HECTD4: variants seen among roughly 807,000 people sequenced by gnomAD.
The protein encoded by HECTD4 is probable E3 ubiquitin-protein ligase HECTD4.
Under a neutral mutation model 471.5 loss-of-function variants are expected in HECTD4, and 114 were observed. The observed-to-expected ratio is 0.24, with a 90% CI of 0.21 to 0.28. HECTD4 has a LOEUF of 0.28. Among genes scored for constraint, HECTD4 ranks in the 10% least tolerant of loss-of-function variants. HECTD4 has a pLI of 1.00. For missense variants in HECTD4, 3,866 were observed against 5,651.5 expected, an observed-to-expected ratio of 0.68 and a Z score of 10.13; for synonymous variants, 2,012 against 2,256.0, an observed-to-expected ratio of 0.89 and a Z score of 3.07.
chr12:112,184,656 T>G lies in HECTD4; in HGVS notation c.10310A>C (p.Gln3437Pro). ...TTTTGGCTTCTTGGTGTCTTCTTCCTGCAGCGGGATGTAGATCTCGTCTTT... is the reference window on the plus strand; with the variant it reads ...TTTTGGCTTCTTGGTGTCTTCTTCCGGCAGCGGGATGTAGATCTCGTCTTT... ...VFKDEIYIPL[Q>P]EEDTKKPKDK... The change falls in exon 61 of 76, where the codon CAG becomes CCG. Residue 3437 changes from glutamine to proline, a missense_variant. Physicochemically the swap from Gln to Pro is moderately conservative, Grantham distance 76 (BLOSUM62 -1). This residue lies in a region of HECTD4 where 71 missense variants were observed against 144.5 expected (regional missense o/e 0.49). Coordinates refer to ENST00000682272, the MANE Select transcript of HECTD4 (RefSeq NM_001388303.1). This position sits in a 1 kb window ranked among gnomAD's most constrained non-coding sequence, Gnocchi z 9.1. 6.2e-7 allele frequency: 1 copy of G among 1,613,846 alleles called. No individual in the cohort carries two copies. The highest frequency in any genetic ancestry group is 1.3e-5 in the African/African-American group (1 of 75,050).
In HECTD4 at chr12:112,194,023, C is replaced by T. The variant is rs904817789; in HGVS notation, c.8750-349G>A. Among the ~76,000 whole-genome samples, 6 of 152,334 alleles carry T rather than the reference C, an allele frequency of 3.9e-5. No individual in the cohort carries two copies. The South Asian group carries it at 8.3e-4, about 21-fold the overall frequency. On this transcript the variant is annotated intron_variant, in intron 56 of 75. Coordinates refer to ENST00000682272, the MANE Select transcript of HECTD4 (RefSeq NM_001388303.1). This position sits in a 1 kb window ranked among gnomAD's most constrained non-coding sequence, Gnocchi z 4.6. ...CTGTCTGACTACTCTGGCCCACCCC[C>T]GCAGGGTACCTTAGGGCACAGCCTG...
chr12:112,316,836 A>G (rs890405497), intron 2 of HECTD4, among the ~76,000 whole-genome samples: 3 of 152,038 alleles, frequency 2.0e-5, no homozygotes, highest in Admixed American at 6.6e-5. Context: ...TATTGGCAAT[A>G]AAATGTAGGA....
At chr12:112,167,583 G>A (rs1453680300) in intron 71 of HECTD4, 45 bp from the exon 72 acceptor site, 2 of 1,423,038 alleles carry the variant, frequency 1.4e-6, no homozygotes, top group Non-Finnish European at 1.9e-6. Context: ...GTGGGCCTCT[G>A]TGCCCGCCAG....
intron 1 of HECTD4, among the ~76,000 whole-genome samples, chr12:112,336,263 C>T (rs1052009984): frequency 2.0e-5 from 3 of 152,108 alleles, no homozygotes; most frequent in Non-Finnish European, 4.4e-5. Context: ...GTGGCTCATG[C>T]CTGTAATCTC....
chr12:112,271,415 A>G lies in HECTD4; in HGVS notation c.1943-956T>C, dbSNP rs77146094. Among the ~76,000 whole-genome samples the G allele has an allele frequency of 6.1e-3, 931 of 152,328 alleles. 11 individuals carry two copies. Among genetic ancestry groups the G allele is most frequent in the African/African-American group, 0.021 (865 of 41,554 alleles). On this transcript the variant is annotated intron_variant, in intron 11 of 75. Transcript: ENST00000682272. ...ATAGTGGAGAAATCTGGCAGACATC[A>G]TTTAAACAAAGTGATCAGTTTTTAA...
In HECTD4 at chr12:112,319,764, A is replaced by G. The variant is rs2035548611; in HGVS notation, c.178-22T>C. On this transcript the variant is annotated intron_variant, in intron 1 of 75. Coordinates refer to ENST00000682272, the MANE Select transcript of HECTD4 (RefSeq NM_001388303.1). The surrounding 1 kb of genome is among the most constrained non-coding windows in gnomAD (Gnocchi z 5.3). The stretch of plus-strand genomic sequence containing the variant: ...AAATCTAAGGAAAAAGACGATGGAG[A>G]AGTGGGTAAATATTACTTTCACCAA... The G allele has an allele frequency of 1.6e-6, 2 of 1,244,626 alleles. No individual in the cohort carries two copies. Among genetic ancestry groups the G allele is most frequent in the Middle Eastern group, 3.1e-4 (1 of 3,244 alleles). 77.1% of individuals were successfully genotyped at this position (1,244,626 alleles called of 1,614,324 possible). A position where few individuals can be genotyped will look rare whatever the true frequency, so the allele number is the denominator to read the frequency against.
rs2032194965 is a variant in HECTD4 at position 112,195,071 on chromosome 12, A to G, written c.8568-5T>C. Reference sequence around the variant, plus strand: ...GCCTCGCAGCGCAGCAGCTCCCTGCAAGGGAAAAGGTGGGTGAGATACTCA... The same window carrying G: ...GCCTCGCAGCGCAGCAGCTCCCTGCGAGGGAAAAGGTGGGTGAGATACTCA... On this transcript the variant is annotated splice_region_variant and splice_polypyrimidine_tract_variant and intron_variant, in intron 55 of 75. Coordinates refer to ENST00000682272, the MANE Select transcript of HECTD4 (RefSeq NM_001388303.1). 1.9e-6 allele frequency: 3 copies of G among 1,587,320 alleles called. No individual in the cohort carries two copies. The highest frequency in any genetic ancestry group is 2.6e-6 in the Non-Finnish European group (3 of 1,167,944).
chr12:112,262,705 T>A (rs1159016045), intron 17 of HECTD4, among the ~76,000 whole-genome samples: 1 of 151,888 alleles, frequency 6.6e-6, no homozygotes, highest in East Asian at 1.9e-4. Flanking sequence ...AACCTCCACC[T>A]CCTGGGTTCA....
intron 65 of HECTD4, 123 bp from the exon 66 acceptor site, chr12:112,175,982 T>C (rs1037987175): frequency 8.1e-7 from 1 of 1,239,808 alleles, no homozygotes. Flanking sequence ...CCCCTCTCCC[T>C]CCCGTAACTC....
At position 112,216,471 on chromosome 12, in the gene HECTD4, G is replaced by C. The variant is rs1011261194; in HGVS notation, c.7386-100C>G. 17 of 798,526 alleles carry C rather than the reference G, an allele frequency of 2.1e-5. No homozygotes were observed. In the African/African-American group the frequency reaches 2.9e-4, roughly 14 times the overall value. The allele number at this position is 798,526 out of a possible 1,614,324, so 49.5% of individuals were successfully genotyped here. A position where few individuals can be genotyped will look rare whatever the true frequency, so the allele number is the denominator to read the frequency against. ...TGGTGAAGTGGAGGGGGGGTGGTCA[G>C]CATTGTGAGATTATTATAGTATCAC... is the stretch of plus-strand genomic sequence containing the variant. On this transcript the variant is annotated intron_variant, in intron 47 of 75. Transcript: ENST00000682272.
At chr12:112,320,211 T>C (rs1282995194) in intron 1 of HECTD4, among the ~76,000 whole-genome samples, 1 of 151,896 alleles carries the variant, frequency 6.6e-6, no homozygotes, top group Non-Finnish European at 1.5e-5. Flanking sequence ...GGTGTGCACC[T>C]GTCGTTGCGG....
chr12:112,367,858 G>A (rs867794728), intron 1 of HECTD4, among the ~76,000 whole-genome samples: 4 of 132,594 alleles, frequency 3.0e-5, no homozygotes, highest in African/African-American at 5.7e-5. Context: ...ACGCTAACAC[G>A]TCATAGAGAT....
chr12:112,227,458 T>A (rs911420562), intron 43 of HECTD4, among the ~76,000 whole-genome samples: 1 of 151,418 alleles, frequency 6.6e-6, no homozygotes, highest in Non-Finnish European at 1.5e-5. Flanking sequence ...AGACTCTGTG[T>A]CCAAAAAAAA....
In HECTD4 at chr12:112,344,798, A is replaced by C. The variant is rs561428648; in HGVS notation, c.178-25056T>G. The stretch of plus-strand genomic sequence containing the variant: ...CCAGGCGTGGTGGCGCATGCCTGTA[A>C]TCCCAGCTATTTGGGAGGCTGAGGC... On this transcript the variant is annotated intron_variant, in intron 1 of 75. Transcript: ENST00000682272. Among the ~76,000 whole-genome samples the C allele has an allele frequency of 1.4e-3, 214 of 152,126 alleles. 1 individual carries two copies. The highest frequency in any genetic ancestry group is 7.1e-4 in the Non-Finnish European group (48 of 68,002).
At position 112,184,750 on chromosome 12, in the gene HECTD4, T is replaced by C; in HGVS notation, c.10216A>G (p.Thr3406Ala). ...CTGACTACGCCCTCGTCCAGGTGGG[T>C]GGGGATCCCGGAGATCACCAGCAAG... ...SRLLVISGIPTHLDEGVVRGA... is the reference protein window; with the variant it reads ...SRLLVISGIPAHLDEGVVRGA... Residue 3406 changes from threonine (T) to alanine (A), a missense_variant, in exon 61 of 76, where the codon ACC becomes GCC. Transcript: ENST00000682272. The surrounding 1 kb of genome is among the most constrained non-coding windows in gnomAD (Gnocchi z 9.1). 1.9e-6 allele frequency: 3 copies of C among 1,611,670 alleles called. No homozygotes were observed. The highest frequency in any genetic ancestry group is 1.7e-4 in the Middle Eastern group (1 of 6,052).
chr12:112,314,323 T>C, intron 3 of HECTD4, 134 bp downstream of exon 3: 1 of 475,824 alleles, frequency 2.1e-6, no homozygotes, highest in Non-Finnish European at 3.7e-6. Flanking sequence ...CTTAAGAAGG[T>C]AAATATGAGT....
At position 112,232,972 on chromosome 12, in the gene HECTD4, C is replaced by T. The variant is rs376382912; in HGVS notation, c.5997+32G>A. ...AAGCATGACAAATACTCTACAATTTCGGGTTTCATCGTTTTAACCTCATGA... is the reference window on the plus strand; with the variant it reads ...AAGCATGACAAATACTCTACAATTTTGGGTTTCATCGTTTTAACCTCATGA... On this transcript the variant is annotated intron_variant, in intron 38 of 75. Transcript: ENST00000682272. 1.2e-4 allele frequency: 185 copies of T among 1,530,620 alleles called. 2 individuals carry two copies. Among genetic ancestry groups the T allele is most frequent in the Middle Eastern group, 3.4e-4 (2 of 5,938 alleles). The allele number at this position is 1,530,620 out of a possible 1,614,324, so 94.8% of individuals were successfully genotyped here.
At chr12:112,248,562 T>C in intron 25 of HECTD4, 50 bp from the exon 26 acceptor site, 1 of 1,208,156 alleles carries the variant, frequency 8.3e-7, no homozygotes, top group Non-Finnish European at 1.1e-6. Context: ...TCTCAGCTTC[T>C]CAATACTGTA....
In HECTD4 at chr12:112,213,890, T is replaced by C. The variant is rs2032837973; in HGVS notation, c.7466-1240A>G. 6.6e-6 allele frequency among the ~76,000 whole-genome samples: 1 copy of C among 151,408 alleles called. No individual in the cohort carries two copies. Among genetic ancestry groups the C allele is most frequent in the South Asian group, 2.1e-4 (1 of 4,790 alleles). On this transcript the variant is annotated intron_variant, in intron 48 of 75. Coordinates refer to ENST00000682272, the MANE Select transcript of HECTD4 (RefSeq NM_001388303.1). This position sits in a 1 kb window ranked among gnomAD's most constrained non-coding sequence, Gnocchi z 4.0. ...TACAGAAATTAGTCAGGCATGGTAG[T>C]GTGTGCCTATGGTCCCAGTTACTCA...
Sources: gnomAD v4.1 joint callset for allele counts (sites outside exome capture counted in the v4.1 genomes callset) on GRCh38, gnomAD v4.1.1 for gene constraint, gnomAD v4.1.1 regional missense constraint, Gnocchi (gnomAD v3.1) non-coding constraint, MANE v1.5 for transcripts, NCBI Gene and HGNC (gene_info 2026-07-23, HGNC 2026-07-21) for gene names.